Variants in CELSR1 observed in about 807,000 individuals in gnomAD.
CELSR1 encodes the protein adhesion G protein-coupled receptor C1.
A neutral mutation model predicts 249.1 loss-of-function variants in CELSR1; 110 were observed. The ratio of observed to expected loss-of-function variants is 0.44; its 90% CI spans 0.38 to 0.52. The LOEUF is 0.52. Ranked by LOEUF, CELSR1 falls within the 20% of genes least tolerant of loss-of-function variation. The probability of loss-of-function intolerance (pLI) is 0.00; values close to 1 mark genes in which losing one functional copy is unlikely to be tolerated. For missense variants in CELSR1, 4,109 were observed against 4,296.4 expected (o/e 0.96, Z 1.22); for synonymous variants, 2,113 against 1,900.0 (o/e 1.11, Z -2.92).
chr22:46,398,014 T>C lies in CELSR1; in HGVS notation c.5527-166A>G, dbSNP rs1406119443. On this transcript the variant is annotated intron_variant, in intron 11 of 34. Coordinates refer to ENST00000674500, the MANE Select transcript of CELSR1 (RefSeq NM_001378328.1). This position sits in a 1 kb window ranked among gnomAD's most constrained non-coding sequence, Gnocchi z 7.2. ...TTGTTCCTCTTGCCCCACGGCCTGC[T>C]GGCCGGAGTGCAGTGGAGGGCTGGG... 1.3e-5 allele frequency among the ~76,000 whole-genome samples: 2 copies of C among 152,316 alleles called. No homozygotes were observed. The highest frequency in any genetic ancestry group is 2.9e-5 in the Non-Finnish European group (2 of 68,018).
chr22:46,379,370 CCTTA>C (rs10523289), intron 22 of CELSR1, among the ~76,000 whole-genome samples: 8,272 of 152,252 alleles, frequency 0.054, 735 homozygotes, highest in African/African-American at 0.19. Context: ...CCTCTCAGAT[CCTTA>C]CTTTGCTAAT....
chr22:46,489,407 G>A (rs1406635370), intron 1 of CELSR1, among the ~76,000 whole-genome samples: 2 of 151,730 alleles, frequency 1.3e-5, no homozygotes, highest in African/African-American at 4.8e-5. Flanking sequence ...TGAAGCACTT[G>A]CTGAAGCTGG....
At chr22:46,465,189 G>A (rs1370947985) in intron 1 of CELSR1, among the ~76,000 whole-genome samples, 1 of 152,054 alleles carries the variant, frequency 6.6e-6, no homozygotes, top group East Asian at 1.9e-4. Context: ...CCCCTGCCCA[G>A]GGGCCCTCAC....
chr22:46,457,765 CAG>C (rs1232046664), intron 2 of CELSR1, among the ~76,000 whole-genome samples: 1 of 152,228 alleles, frequency 6.6e-6, no homozygotes, highest in African/African-American at 2.4e-5. Flanking sequence ...AGGGGCAGGA[CAG>C]AGTCAGACAT....
chr22:46,373,103 TGAG>T, intron 24 of CELSR1, 46 bp from the exon 25 acceptor site: 1 of 1,524,214 alleles, frequency 6.6e-7, no homozygotes. Context: ...CATCCCAGGC[TGAG>T]GTCAGACAGG....
intron 25 of CELSR1, among the ~76,000 whole-genome samples, chr22:46,371,782 TCCCATCCATCCACCCA>T (rs948655721): frequency 7.0e-5 from 10 of 143,072 alleles, no homozygotes; most frequent in African/African-American, 1.9e-4. Context: ...CACTCACATA[TCCCATCCATCCACCCA>T]CCCATCCATC....
At chr22:46,478,912 G>A (rs2080238484) in intron 1 of CELSR1, among the ~76,000 whole-genome samples, 1 of 151,924 alleles carries the variant, frequency 6.6e-6, no homozygotes, top group Admixed American at 6.6e-5. Context: ...AGCAGGTCCT[G>A]CTCAGAGCTC....
Position 46,378,707 on chromosome 22 carries a change from T to C in CELSR1, c.7267A>G (p.Thr2423Ala), listed in dbSNP as rs1401608721. 1 of 1,612,418 alleles carries C rather than the reference T, an allele frequency of 6.2e-7. No individual in the cohort carries two copies. Among genetic ancestry groups the C allele is most frequent in the African/African-American group, 1.3e-5 (1 of 74,894 alleles). The change falls in exon 23 of 35, where the codon ACG (threonine) becomes GCG (alanine). Residue 2423 changes from threonine (T) to alanine (A), a missense_variant. Transcript: ENST00000674500. ...CAGCCCCGGGCAGACCACCCTCCCG[T>C]CCCACCAACGCTGCGGAGAGGACAG... Reference protein sequence around the residue: ...FWNHSLAVGGTGGWSARGCEL... With the variant: ...FWNHSLAVGGAGGWSARGCEL...
chr22:46,369,154 G>C (rs747346654), intron 27 of CELSR1, 25 bp downstream of exon 27: 1 of 1,610,566 alleles, frequency 6.2e-7, no homozygotes, highest in South Asian at 1.1e-5. Flanking sequence ...GACATGGCTG[G>C]CCGGTCAGGT....
rs752297578 is a variant in CELSR1, at chr22:46,463,782, C to T, written c.4108G>A (p.Asp1370Asn). 4.7e-5 allele frequency: 75 copies of T among 1,595,864 alleles called. No individual in the cohort carries two copies. The South Asian group carries it at 5.5e-4, about 12-fold the overall frequency. ...CAGCGGCCGTTGGCGCCGCACGGGT[C>T]GGAGTAGCAGAGGTCGATCTCCGTC... ...CETEIDLCYSDPCGANGRCRS... is the reference protein window; with the variant it reads ...CETEIDLCYSNPCGANGRCRS... Residue 1370 changes from aspartate to asparagine, a missense_variant, in exon 2 of 35, where the codon GAC (aspartate) becomes AAC (asparagine). By Grantham distance (23) the Asp-to-Asn change is conservative. This residue lies in a region of CELSR1 where 453 missense variants were observed against 492.0 expected (regional missense o/e 0.92). Coordinates refer to ENST00000674500, the MANE Select transcript of CELSR1 (RefSeq NM_001378328.1).
Position 46,484,293 on chromosome 22 carries a change from G to T in CELSR1, c.3545-19948C>A, listed in dbSNP as rs542603414. Among the ~76,000 whole-genome samples, 68 of 152,294 alleles carry T rather than the reference G, an allele frequency of 4.5e-4. 1 individual carries two copies. The highest frequency in any genetic ancestry group is 1.5e-3 in the African/African-American group (64 of 41,580). ...CAAGCAAGACCGCTGGGAGGGTCCT[G>T]CAGGGGACAGAGTCCCTCCTTCCAC... On this transcript the variant is annotated intron_variant, in intron 1 of 34. Transcript: ENST00000674500. The surrounding 1 kb of genome is among the most constrained non-coding windows in gnomAD (Gnocchi z 4.5).
intron 24 of CELSR1, among the ~76,000 whole-genome samples, chr22:46,373,308 C>G (rs565936703): frequency 5.3e-5 from 8 of 152,250 alleles, no homozygotes; most frequent in South Asian, 2.1e-4. Flanking sequence ...GTGAGAATGA[C>G]AGAGAGAGAC....
Position 46,536,428 on chromosome 22 carries a change from G to C in CELSR1, c.743C>G (p.Pro248Arg). 2.5e-6 allele frequency: 4 copies of C among 1,612,326 alleles called. No homozygotes were observed. The highest frequency in any genetic ancestry group is 3.4e-6 in the Non-Finnish European group (4 of 1,179,662). ...CTCAAACAACGCCACCTGGTAGTTG[G>C]GCATCGGAAACTTCAGGCTCCCTCT... ...SGRGSLKFPMPNYQVALFENE... is the reference protein window; with the variant it reads ...SGRGSLKFPMRNYQVALFENE... The change falls in exon 1 of 35, where the codon CCC becomes CGC. Residue 248 changes from proline (P) to arginine (R), a missense_variant. Physicochemically the swap from Pro to Arg is moderately radical, Grantham distance 103. This residue lies in a region of CELSR1 where 673 missense variants were observed against 636.8 expected (regional missense o/e 1.06). Coordinates refer to ENST00000674500, the MANE Select transcript of CELSR1 (RefSeq NM_001378328.1).
Position 46,476,920 on chromosome 22 carries a change from G to A in CELSR1, c.3545-12575C>T, listed in dbSNP as rs192273968. On this transcript the variant is annotated intron_variant, in intron 1 of 34. Transcript: ENST00000674500. ...TTCATTTTAAAGTGGTAATTTTATC[G>A]TATGTGAGTTTCACCTCAATTTTTT... Among the ~76,000 whole-genome samples, 34 of 152,280 alleles carry A rather than the reference G, an allele frequency of 2.2e-4. No individual in the cohort carries two copies. In the East Asian group the frequency reaches 2.9e-3, roughly 13 times the overall value.
chr22:46,361,542 TAG>T lies in CELSR1; in HGVS notation c.*1679_*1680del, dbSNP rs1365976611. The T allele has an allele frequency of 2.0e-5, 3 of 152,342 alleles. No homozygotes were observed. The highest frequency in any genetic ancestry group is 1.9e-4 in the East Asian group (1 of 5,184). 9.4% of individuals were successfully genotyped at this position (152,342 alleles called of 1,614,324 possible). The stretch of plus-strand genomic sequence containing the variant: ...GCCAGGGGCAAACGTTTAAAGGGAC[TAG>T]AGTTTTTTATCTTCGAAAGACCACT... On this transcript the variant is annotated 3_prime_UTR_variant, in exon 35 of 35. Coordinates refer to ENST00000674500, the MANE Select transcript of CELSR1 (RefSeq NM_001378328.1).
At position 46,463,729 on chromosome 22, in the gene CELSR1, G is replaced by A. The variant is rs773031302; in HGVS notation, c.4161C>T (p.Cys1387=). The change falls in exon 2 of 35, where the codon TGC becomes TGT. Residue 1387 remains cysteine, a synonymous_variant. Transcript: ENST00000674500. ...RCRSREGGYT[C]ECFEDFTGEH... ...TACCAGTGAAGTCCTCGAAGCACTC[G>A]CAGGTGTAGCCGCCCTCGCGGCTGC... The A allele has an allele frequency of 5.9e-6, 9 of 1,531,120 alleles. No homozygotes were observed. The highest frequency in any genetic ancestry group is 2.1e-5 in the Admixed American group (1 of 47,420). The allele number at this position is 1,531,120 out of a possible 1,614,324, so 94.8% of individuals were successfully genotyped here.
chr22:46,385,969 G>A (rs9615976), intron 19 of CELSR1, among the ~76,000 whole-genome samples: 38,132 of 143,482 alleles, frequency 0.27, 8,378 homozygotes, highest in African/African-American at 0.62. Context: ...GAGCCACCGC[G>A]CCCGGCTTTT....
At chr22:46,503,776 TCC>T (rs980082875) in intron 1 of CELSR1, among the ~76,000 whole-genome samples, 4 of 152,192 alleles carry the variant, frequency 2.6e-5, no homozygotes, top group African/African-American at 4.8e-5. Context: ...ACGCCGGTAA[TCC>T]CAGCACTTTG....
At position 46,437,264 on chromosome 22, in the gene CELSR1, C is replaced by G. The variant is rs1298132542; in HGVS notation, c.4407-975G>C. On this transcript the variant is annotated intron_variant, in intron 3 of 34. Transcript: ENST00000674500. The surrounding 1 kb of genome is among the most constrained non-coding windows in gnomAD (Gnocchi z 4.9). ...ACCCAAATCACCACAACACCTCCCC[C>G]ACCTCCCTGGTTTCAGAGAACTTGG... is the stretch of plus-strand genomic sequence containing the variant. Among the ~76,000 whole-genome samples, 4 of 152,218 alleles carry G rather than the reference C, an allele frequency of 2.6e-5. No individual in the cohort carries two copies. The highest frequency in any genetic ancestry group is 2.1e-4 in the South Asian group (1 of 4,828).
Sources: gnomAD v4.1 joint callset for allele counts (sites outside exome capture counted in the v4.1 genomes callset) on GRCh38, gnomAD v4.1.1 for gene constraint, gnomAD v4.1.1 regional missense constraint, Gnocchi (gnomAD v3.1) non-coding constraint, MANE v1.5 for transcripts, NCBI Gene and HGNC (gene_info 2026-07-23, HGNC 2026-07-21) for gene names.